Variants in DCAF6 observed in about 807,000 individuals in gnomAD.
DCAF6 encodes the protein DDB1 and CUL4 associated factor 6.
Under a neutral mutation model 125.1 loss-of-function variants are expected in DCAF6, and 54 were observed. That is an observed-to-expected ratio of 0.43 (90% CI 0.35 to 0.54). DCAF6 has a LOEUF of 0.54. Among genes scored for constraint, DCAF6 ranks in the 20% least tolerant of loss-of-function variants. The pLI is 0.01. For synonymous variants in DCAF6, 371 were observed against 390.4 expected (o/e 0.95, Z 0.58); for missense variants, 934 against 1,161.7 (o/e 0.80, Z 2.85).
At chr1:167,883,338 T>C in the DCAF6 span, 1 of 1,386,250 alleles carries the variant, frequency 7.2e-7, no homozygotes, top group Non-Finnish European at 1.0e-6. Flanking sequence ...ACGCCCAGCC[T>C]CTAGGTTAAA....
At chr1:167,912,855 C>T in the DCAF6 span, among the ~76,000 whole-genome samples, 1 of 152,182 alleles carries the variant, frequency 6.6e-6, no homozygotes, top group Non-Finnish European at 1.5e-5. Context: ...ATGAAGTAGA[C>T]CTGATTTCTA....
At chr1:167,866,772 G>C in the DCAF6 span, among the ~76,000 whole-genome samples, 2 of 147,564 alleles carry the variant, frequency 1.4e-5, no homozygotes, top group African/African-American at 2.5e-5. Context: ...AAAAAGAATG[G>C]TTATCTTCAA....
At chr1:168,018,477 GC>G (rs1421904246) in intron 11 of DCAF6, among the ~76,000 whole-genome samples, 1 of 152,162 alleles carries the variant, frequency 6.6e-6, no homozygotes, top group Non-Finnish European at 1.5e-5. Flanking sequence ...GAAACAAGGA[GC>G]GACTACCCAC....
At chr1:167,958,983 T>A (rs1675183632) in intron 2 of DCAF6, among the ~76,000 whole-genome samples, 1 of 152,202 alleles carries the variant, frequency 6.6e-6, no homozygotes, top group South Asian at 2.1e-4. Context: ...TCCACCATTA[T>A]AGTATCATGT....
intron 4 of DCAF6, among the ~76,000 whole-genome samples, chr1:167,976,383 T>C (rs917821516): frequency 1.2e-4 from 18 of 152,142 alleles, no homozygotes; most frequent in African/African-American, 3.9e-4. Context: ...GCTTGAGAAT[T>C]GCTTGAACAA....
chr1:167,951,749 T>C (rs1333744151), intron 1 of DCAF6, 51 bp from the exon 2 acceptor site: 10 of 1,212,144 alleles, frequency 8.2e-6, no homozygotes, highest in Non-Finnish European at 1.2e-5. Flanking sequence ...TGTGTTATAT[T>C]TTTCTCAGTA....
chr1:167,964,627 A>G (rs987876636), intron 2 of DCAF6, among the ~76,000 whole-genome samples: 4 of 152,074 alleles, frequency 2.6e-5, no homozygotes, highest in East Asian at 1.9e-4. Context: ...ATTATTTCAG[A>G]TATTCTGTTC....
chr1:168,049,589 A>G (rs1006445862), intron 16 of DCAF6, among the ~76,000 whole-genome samples: 2 of 142,318 alleles, frequency 1.4e-5, no homozygotes. Context: ...ACGTAAATAT[A>G]TGCCCTTGGA....
intron 12 of DCAF6, among the ~76,000 whole-genome samples, chr1:168,028,225 A>G (rs1245687424): frequency 6.6e-6 from 1 of 152,134 alleles, no homozygotes; most frequent in Non-Finnish European, 1.5e-5. Context: ...TATATTATTA[A>G]AACTTAACAA....
intron 5 of DCAF6, among the ~76,000 whole-genome samples, chr1:167,989,968 C>G (rs1318944694): frequency 6.6e-6 from 1 of 152,090 alleles, no homozygotes; most frequent in African/African-American, 2.4e-5. Flanking sequence ...CTAGCTCTTA[C>G]ATTTTCTAAT....
At chr1:167,965,802 T>G (rs1405762542) in intron 2 of DCAF6, among the ~76,000 whole-genome samples, 1 of 151,970 alleles carries the variant, frequency 6.6e-6, no homozygotes, top group Non-Finnish European at 1.5e-5. Flanking sequence ...GGCCGGCTAA[T>G]TTTTGTATTT....
At chr1:168,003,776 C>A in intron 8 of DCAF6, 94 bp from the exon 9 acceptor site, 5 of 1,129,474 alleles carry the variant, frequency 4.4e-6, no homozygotes, top group South Asian at 1.9e-5. Flanking sequence ...TAAAAATATG[C>A]TTTCATTTTA....
the DCAF6 span, among the ~76,000 whole-genome samples, chr1:167,888,798 C>T: frequency 3.1e-4 from 31 of 100,472 alleles, no homozygotes; most frequent in African/African-American, 1.2e-3. Context: ...ATAGAGTGAA[C>T]CCGGGAGGCG....
chr1:167,981,854 T>C (rs79605788), intron 4 of DCAF6, among the ~76,000 whole-genome samples: 4,574 of 152,312 alleles, frequency 0.03, 237 homozygotes, highest in African/African-American at 0.1. Context: ...TGCATGTGTC[T>C]TTTTGGTAGA....
At position 167,994,864 on chromosome 1, in the gene DCAF6, G is replaced by A. The variant is rs74654016; in HGVS notation, c.903+1424G>A. On this transcript the variant is annotated intron_variant, in intron 7 of 21. Coordinates refer to ENST00000367840, the MANE Select transcript of DCAF6 (RefSeq NM_001198956.2). ...GTATTGGCTCAATGCCTATTAATAC[G>A]TTTTAAAGGTTACTAATAACAGTGA... Among the ~76,000 whole-genome samples the A allele has an allele frequency of 9.6e-3, 1,455 of 151,944 alleles. 13 individuals are homozygous for A. Among genetic ancestry groups the A allele is most frequent in the East Asian group, 0.058 (299 of 5,180 alleles).
chr1:168,023,201 A>G (rs1051851700), intron 12 of DCAF6, 154 bp downstream of exon 12: 14 of 769,694 alleles, frequency 1.8e-5, no homozygotes, highest in Non-Finnish European at 3.0e-5. Flanking sequence ...GGTATTGTAC[A>G]TAAAAGGTCT....
At chr1:167,915,065 T>C in the DCAF6 span, among the ~76,000 whole-genome samples, 1 of 152,244 alleles carries the variant, frequency 6.6e-6, no homozygotes, top group East Asian at 1.9e-4. Flanking sequence ...TGCTTCATTA[T>C]ATAAACAGGC....
chr1:167,973,129 A>G (rs1016542610), intron 3 of DCAF6, among the ~76,000 whole-genome samples: 1 of 152,178 alleles, frequency 6.6e-6, no homozygotes, highest in African/African-American at 2.4e-5. Context: ...AAAGAACATG[A>G]TATTTATCTT....
intron 3 of DCAF6, among the ~76,000 whole-genome samples, chr1:167,972,146 C>A (rs1677428392): frequency 6.6e-6 from 1 of 152,210 alleles, no homozygotes; most frequent in Admixed American, 6.5e-5. Context: ...CATGAGCCGC[C>A]ATGCCTGGCC....
Sources: gnomAD v4.1 joint callset for allele counts (sites outside exome capture counted in the v4.1 genomes callset) on GRCh38, gnomAD v4.1.1 for gene constraint, MANE v1.5 for transcripts, NCBI Gene and HGNC (gene_info 2026-07-23, HGNC 2026-07-21) for gene names.